Variants in RIMBP2 observed in about 807,000 individuals in gnomAD.
The protein encoded by RIMBP2 is RIMS binding protein 2.
In RIMBP2, 48 loss-of-function variants were observed where a neutral mutation model predicts 118.6. The ratio of observed to expected loss-of-function variants is 0.40; its 90% CI spans 0.32 to 0.51. RIMBP2 has a LOEUF of 0.51. Ranked by LOEUF, RIMBP2 falls within the 20% of genes least tolerant of loss-of-function variation. RIMBP2 has a pLI of 0.41. For synonymous variants in RIMBP2, 762 were observed against 742.9 expected, an observed-to-expected ratio of 1.03 and a Z score of -0.42; for missense variants, 1,551 against 1,768.3, an observed-to-expected ratio of 0.88 and a Z score of 2.20.
chr12:130,711,940 C>T (rs1593058296), intron 1 of RIMBP2, among the ~76,000 whole-genome samples: 1 of 152,256 alleles, frequency 6.6e-6, no homozygotes, highest in Non-Finnish European at 1.5e-5. Flanking sequence ...GCTGTGCAGC[C>T]CGTGACTGTA....
At chr12:130,405,319 C>G (rs1016573541) in intron 21 of RIMBP2, among the ~76,000 whole-genome samples, 1 of 152,136 alleles carries the variant, frequency 6.6e-6, no homozygotes, top group Admixed American at 6.5e-5. Flanking sequence ...GAGGAGAGAG[C>G]CTGGGAATCC....
At chr12:130,694,637 C>T (rs2065485942) in intron 1 of RIMBP2, among the ~76,000 whole-genome samples, 1 of 152,224 alleles carries the variant, frequency 6.6e-6, no homozygotes, top group African/African-American at 2.4e-5. Flanking sequence ...GCTCATCCTT[C>T]TTCTCTGCAT....
chr12:130,602,572 C>T (rs143880914), intron 2 of RIMBP2, among the ~76,000 whole-genome samples: 62 of 152,320 alleles, frequency 4.1e-4, no homozygotes, highest in African/African-American at 1.3e-3. Context: ...GGATGGCTCC[C>T]GCCTTGTGTG....
chr12:130,446,024 C>CCA lies in RIMBP2; in HGVS notation c.582-756_582-755insTG, dbSNP rs66498430. ...ACAGACGCATGATTTTATGCTCCCC[C>CCA]CCCCCACACCCCCAGGAATATAAGA... is the stretch of plus-strand genomic sequence containing the variant. On this transcript the variant is annotated intron_variant, in intron 9 of 22. Coordinates refer to ENST00000690449, the MANE Select transcript of RIMBP2 (RefSeq NM_001393629.1). The surrounding 1 kb of genome is among the most constrained non-coding windows in gnomAD (Gnocchi z 4.1). Among the ~76,000 whole-genome samples, 4 of 76,080 alleles carry CCA rather than the reference C, an allele frequency of 5.3e-5. No individual in the cohort carries two copies. The highest frequency in any genetic ancestry group is 1.1e-4 in the Non-Finnish European group (3 of 27,836). 49.9% of individuals were successfully genotyped at this position (76,080 alleles called of 152,430 possible). A position where few individuals can be genotyped will look rare whatever the true frequency, so the allele number is the denominator to read the frequency against.
At position 130,646,102 on chromosome 12, in the gene RIMBP2, C is replaced by CTCACCACTTCA. The variant is rs2062889126; in HGVS notation, c.-351-17647_-351-17646insTGAAGTGGTGA. Among the ~76,000 whole-genome samples the CTCACCACTTCA allele has an allele frequency of 1.5e-5, 2 of 135,512 alleles. 1 individual carries two copies. The highest frequency in any genetic ancestry group is 5.3e-5 in the African/African-American group (2 of 37,504). The allele number at this position is 135,512 out of a possible 152,430, so 88.9% of individuals were successfully genotyped here. ...CCCTCACCACTTCCCTCTCCACCTC[C>CTCACCACTTCA]CTCTCCACCTCCCTCACCACCTGCC... On this transcript the variant is annotated intron_variant, in intron 1 of 22. Coordinates refer to ENST00000690449, the MANE Select transcript of RIMBP2 (RefSeq NM_001393629.1).
chr12:130,504,973 G>A (rs2050162520), intron 4 of RIMBP2, among the ~76,000 whole-genome samples: 1 of 152,170 alleles, frequency 6.6e-6, no homozygotes, highest in South Asian at 2.1e-4. Context: ...TCTCCGCTAA[G>A]CTCCTTCCTC....
At chr12:130,645,795 T>G (rs948656777) in intron 1 of RIMBP2, among the ~76,000 whole-genome samples, 14 of 152,198 alleles carry the variant, frequency 9.2e-5, no homozygotes, top group African/African-American at 3.4e-4. Context: ...TTTTTATATT[T>G]AAGCCACTTG....
chr12:130,485,032 T>C (rs1400627760), intron 4 of RIMBP2, among the ~76,000 whole-genome samples: 2 of 152,200 alleles, frequency 1.3e-5, no homozygotes, highest in Non-Finnish European at 2.9e-5. Flanking sequence ...CTCTGTGTTA[T>C]GTTTTAGTCC....
intron 1 of RIMBP2, among the ~76,000 whole-genome samples, chr12:130,644,311 T>C (rs903900115): frequency 6.6e-6 from 1 of 152,144 alleles, no homozygotes; most frequent in African/African-American, 2.4e-5. Context: ...TTTAGACAAA[T>C]TAGCTTTCAT....
intron 1 of RIMBP2, among the ~76,000 whole-genome samples, chr12:130,655,337 T>G (rs1566430936): frequency 1.3e-5 from 2 of 152,360 alleles, no homozygotes; most frequent in South Asian, 4.1e-4. Context: ...TCTGTGAGAA[T>G]GCAAACTCTG....
At position 130,396,412 on chromosome 12, in the gene RIMBP2, C is replaced by CCAT. The variant is rs954946652; in HGVS notation, c.*946_*948dup. The CCAT allele has an allele frequency of 3.9e-5, 6 of 152,546 alleles. No individual in the cohort carries two copies. The highest frequency in any genetic ancestry group is 7.4e-5 in the Non-Finnish European group (5 of 68,014). 9.4% of individuals were successfully genotyped at this position (152,546 alleles called of 1,614,324 possible). ...GTGGACAAGAATTACAAAAGAGTAACCATCAAATACATCTGCCAGCAACTT... is the reference window on the plus strand; with the variant it reads ...GTGGACAAGAATTACAAAAGAGTAACCATCATCAAATACATCTGCCAGCAACTT... On this transcript the variant is annotated 3_prime_UTR_variant, in exon 23 of 23. Coordinates refer to ENST00000690449, the MANE Select transcript of RIMBP2 (RefSeq NM_001393629.1).
intron 4 of RIMBP2, among the ~76,000 whole-genome samples, chr12:130,485,916 T>C (rs2082431509): frequency 6.6e-6 from 1 of 152,158 alleles, no homozygotes; most frequent in Non-Finnish European, 1.5e-5. Flanking sequence ...AAAGCAGCTG[T>C]CAGAAAGGCG....
intron 2 of RIMBP2, among the ~76,000 whole-genome samples, chr12:130,549,412 T>C (rs746775638): frequency 6.6e-6 from 1 of 152,190 alleles, no homozygotes; most frequent in Non-Finnish European, 1.5e-5. Context: ...GAAGATCTGT[T>C]ACACAGGTAA....
chr12:130,681,683 C>T (rs971903591), intron 1 of RIMBP2, among the ~76,000 whole-genome samples: 3 of 152,152 alleles, frequency 2.0e-5, no homozygotes, highest in African/African-American at 4.8e-5. Context: ...GACAACCTCA[C>T]GCGAGTATTT....
At chr12:130,714,485 C>T (rs1400971882) in intron 1 of RIMBP2, among the ~76,000 whole-genome samples, 1 of 151,998 alleles carries the variant, frequency 6.6e-6, no homozygotes, top group African/African-American at 2.4e-5. Context: ...GCGTGGGGGG[C>T]GGCCCCCATA....
At chr12:130,438,867 G>C (rs1157197536) in intron 11 of RIMBP2, among the ~76,000 whole-genome samples, 1 of 152,146 alleles carries the variant, frequency 6.6e-6, no homozygotes, top group Non-Finnish European at 1.5e-5. Context: ...GGCCTGGCCA[G>C]GCAGCCACAC....
chr12:130,693,437 G>T (rs1322216274), intron 1 of RIMBP2, among the ~76,000 whole-genome samples: 1 of 152,154 alleles, frequency 6.6e-6, no homozygotes, highest in Non-Finnish European at 1.5e-5. Context: ...GCACAAAAGG[G>T]ATGGCTACTT....
At chr12:130,440,632 A>G (rs2137135722) in intron 11 of RIMBP2, among the ~76,000 whole-genome samples, 1 of 152,346 alleles carries the variant, frequency 6.6e-6, no homozygotes, top group East Asian at 1.9e-4. Context: ...ATCAGAAGGC[A>G]TCGCGGGAGG....
chr12:130,435,113 A>G (rs1316602848), intron 13 of RIMBP2, among the ~76,000 whole-genome samples: 1 of 151,276 alleles, frequency 6.6e-6, no homozygotes, highest in African/African-American at 2.4e-5. Context: ...TGGCATGATC[A>G]TAGCTCACTG....
Sources: gnomAD v4.1 joint callset for allele counts (sites outside exome capture counted in the v4.1 genomes callset) on GRCh38, gnomAD v4.1.1 for gene constraint, Gnocchi (gnomAD v3.1) non-coding constraint, MANE v1.5 for transcripts, NCBI Gene and HGNC (gene_info 2026-07-23, HGNC 2026-07-21) for gene names.